The following RASGRP3 variants were observed in gnomAD, a reference collection of about 807,000 sequenced individuals.
The protein encoded by RASGRP3 is ras guanyl-releasing protein 3.
Under a neutral mutation model 82.7 loss-of-function variants are expected in RASGRP3, and 54 were observed. That is an observed-to-expected ratio of 0.65 (90% CI 0.52 to 0.82). The LOEUF is 0.82. Among genes scored for constraint, RASGRP3 ranks in the 40% least tolerant of loss-of-function variants. The probability of loss-of-function intolerance (pLI) is 0.00; values close to 1 mark genes in which losing one functional copy is unlikely to be tolerated. For synonymous variants in RASGRP3, 309 were observed against 300.5 expected (o/e 1.03, Z -0.29); for missense variants, 861 against 828.9 (o/e 1.04, Z -0.48).
At position 33,522,744 on chromosome 2, in the gene RASGRP3, G is replaced by T. The variant is rs79587476; in HGVS notation, c.516+642G>T. On this transcript the variant is annotated intron_variant, in intron 7 of 17. Transcript: ENST00000403687. ...TCAGCCAGCCACTTTGCTTTGTCTC[G>T]CCAAGCTGTGGGGAAGTCGCTCCTC... Among the ~76,000 whole-genome samples, 169 of 152,162 alleles carry T rather than the reference G, an allele frequency of 1.1e-3. 4 individuals carry two copies. In the East Asian group the frequency reaches 0.031, roughly 28 times the overall value.
intron 1 of RASGRP3, among the ~76,000 whole-genome samples, chr2:33,487,132 A>G (rs1668466741): frequency 6.6e-6 from 1 of 152,188 alleles, no homozygotes; most frequent in Non-Finnish European, 1.5e-5. Flanking sequence ...TTCCATCCGT[A>G]AATATTTTAG....
intron 2 of RASGRP3, among the ~76,000 whole-genome samples, chr2:33,464,118 T>TAAG (rs1330093959): frequency 3.4e-5 from 5 of 146,178 alleles, no homozygotes; most frequent in Non-Finnish European, 7.5e-5. Flanking sequence ...ATAATTATTA[T>TAAG]TATTATTATT....
chr2:33,467,341 A>T (rs764013426), intron 2 of RASGRP3, among the ~76,000 whole-genome samples: 15 of 152,214 alleles, frequency 9.9e-5, no homozygotes, highest in Non-Finnish European at 1.9e-4. Flanking sequence ...TGTAGCTAGC[A>T]CAACTCTTAT....
intron 1 of RASGRP3, among the ~76,000 whole-genome samples, chr2:33,439,415 G>T (rs1468231988): frequency 2.0e-5 from 3 of 152,122 alleles, no homozygotes; most frequent in Admixed American, 2.0e-4. Flanking sequence ...TGATAAGAAT[G>T]GAGCTGTGAG....
chr2:33,517,498 C>T (rs1671582683), intron 4 of RASGRP3, among the ~76,000 whole-genome samples: 1 of 152,180 alleles, frequency 6.6e-6, no homozygotes, highest in Non-Finnish European at 1.5e-5. Flanking sequence ...GTTATTAGGG[C>T]CTGCCAAGGC....
intron 1 of RASGRP3, among the ~76,000 whole-genome samples, chr2:33,478,648 C>A (rs749149616): frequency 2.0e-5 from 3 of 152,134 alleles, no homozygotes; most frequent in Non-Finnish European, 4.4e-5. Context: ...ATTTTACTTG[C>A]AGATAGTACA....
intron 2 of RASGRP3, among the ~76,000 whole-genome samples, chr2:33,466,355 C>A (rs1177358430): frequency 6.6e-6 from 1 of 152,140 alleles, no homozygotes; most frequent in African/African-American, 2.4e-5. Flanking sequence ...TTACCCCAAC[C>A]CTCATGGACG....
At chr2:33,488,669 G>T (rs115335114) in intron 1 of RASGRP3, among the ~76,000 whole-genome samples, 1 of 152,084 alleles carries the variant, frequency 6.6e-6, no homozygotes, top group African/African-American at 2.4e-5. Context: ...TAAAACAAGG[G>T]CCAAAATCCA....
chr2:33,517,300 A>G (rs1336093907), intron 4 of RASGRP3, among the ~76,000 whole-genome samples: 1 of 152,218 alleles, frequency 6.6e-6, no homozygotes, highest in African/African-American at 2.4e-5. Flanking sequence ...CTGAAAATGC[A>G]GTCTCCCATT....
At chr2:33,457,155 G>T (rs1666085591) in intron 2 of RASGRP3, among the ~76,000 whole-genome samples, 1 of 152,096 alleles carries the variant, frequency 6.6e-6, no homozygotes. Context: ...ACAGGTGCGA[G>T]CCGCCATGCC....
intron 2 of RASGRP3, among the ~76,000 whole-genome samples, chr2:33,514,267 T>A (rs1671215270): frequency 6.6e-6 from 1 of 152,080 alleles, no homozygotes; most frequent in Admixed American, 6.6e-5. Flanking sequence ...TCATTGAGGA[T>A]GTTTATAAAT....
chr2:33,529,807 A>G (rs1672935891), intron 10 of RASGRP3, among the ~76,000 whole-genome samples: 1 of 151,994 alleles, frequency 6.6e-6, no homozygotes, highest in South Asian at 2.1e-4. Context: ...TCCAGCTCTA[A>G]ACTTCTAGGA....
chr2:33,504,067 CAT>C (rs1670128088), intron 1 of RASGRP3, among the ~76,000 whole-genome samples: 1 of 152,166 alleles, frequency 6.6e-6, no homozygotes, highest in Non-Finnish European at 1.5e-5. Flanking sequence ...ATTGTTGTCT[CAT>C]GTGTATTCCT....
At chr2:33,529,733 T>G (rs993599010) in intron 10 of RASGRP3, among the ~76,000 whole-genome samples, 2 of 152,130 alleles carry the variant, frequency 1.3e-5, no homozygotes, top group Non-Finnish European at 2.9e-5. Context: ...TTTTGTCTCC[T>G]TGCTAACAGC....
At chr2:33,560,363 C>A (rs1676511001) in intron 17 of RASGRP3, among the ~76,000 whole-genome samples, 1 of 152,106 alleles carries the variant, frequency 6.6e-6, no homozygotes, top group Non-Finnish European at 1.5e-5. Context: ...CTTTTACTGG[C>A]CTAGCACAGT....
chr2:33,479,718 C>T (rs6543716), intron 1 of RASGRP3, among the ~76,000 whole-genome samples: 6 of 151,972 alleles, frequency 3.9e-5, no homozygotes, highest in Middle Eastern at 3.4e-3. Flanking sequence ...GACTGTCTCA[C>T]GGGTGGGCCA....
In RASGRP3 at chr2:33,480,461, C is replaced by T. The variant is rs577955100; in HGVS notation, c.-261+3754C>T. Among the ~76,000 whole-genome samples, 3 of 152,280 alleles carry T rather than the reference C, an allele frequency of 2.0e-5. No homozygotes were observed. The East Asian group carries it at 5.8e-4, about 29-fold the overall frequency. On this transcript the variant is annotated intron_variant, in intron 1 of 17. Transcript: ENST00000403687. ...AGACCAAAACCACTGGGAATTGCCT[C>T]CAATCCTTGCTAGGAATTGCTCACT...
intron 1 of RASGRP3, among the ~76,000 whole-genome samples, chr2:33,485,879 A>C (rs1446853164): frequency 6.6e-6 from 1 of 152,262 alleles, no homozygotes; most frequent in Non-Finnish European, 1.5e-5. Flanking sequence ...TTTCAGCTAC[A>C]AAGATGGCTG....
intron 14 of RASGRP3, among the ~76,000 whole-genome samples, chr2:33,550,715 C>G (rs1184893605): frequency 6.6e-6 from 1 of 152,178 alleles, no homozygotes; most frequent in Non-Finnish European, 1.5e-5. Flanking sequence ...CCTGTTGACT[C>G]GTTGACCCAT....
Sources: allele counts gnomAD v4.1 joint callset (sites outside exome capture counted in the v4.1 genomes callset), GRCh38; gene constraint gnomAD v4.1.1; transcripts MANE v1.5; gene names NCBI Gene and HGNC (gene_info 2026-07-23, HGNC 2026-07-21).